Variants in GMDS observed in about 807,000 individuals in gnomAD.
GMDS encodes the protein GDP-mannose 4,6-dehydratase.
In GMDS, 20 loss-of-function variants were observed where a neutral mutation model predicts 49.9. The ratio of observed to expected loss-of-function variants is 0.40; its 90% CI spans 0.28 to 0.58. The LOEUF (loss-of-function observed/expected upper bound fraction) is 0.58, where lower values mean the gene tolerates loss of function less well. GMDS is among the 20% of genes least tolerant of loss of function. The probability of loss-of-function intolerance (pLI) is 0.42; values close to 1 mark genes in which losing one functional copy is unlikely to be tolerated. For synonymous variants in GMDS, 177 were observed against 178.6 expected, an observed-to-expected ratio of 0.99 and a Z score of 0.07; for missense variants, 362 against 481.4, an observed-to-expected ratio of 0.75 and a Z score of 2.32.
At chr6:1,735,866 C>G (rs1766986224) in intron 8 of GMDS, among the ~76,000 whole-genome samples, 1 of 152,144 alleles carries the variant, frequency 6.6e-6, no homozygotes, top group Non-Finnish European at 1.5e-5. Context: ...AATTGACACC[C>G]AATTAGAGTC....
chr6:2,097,984 G>A (rs1174195714), intron 4 of GMDS, among the ~76,000 whole-genome samples: 1 of 149,188 alleles, frequency 6.7e-6, no homozygotes, highest in Non-Finnish European at 1.5e-5. Context: ...CTATAAAGCT[G>A]TTTCAATGCT....
intron 9 of GMDS, among the ~76,000 whole-genome samples, chr6:1,710,129 CA>C: frequency 6.6e-6 from 1 of 152,330 alleles, no homozygotes; most frequent in Non-Finnish European, 1.5e-5. Context: ...GTACGCTTCC[CA>C]AGAATCACTG....
chr6:1,646,302 C>A (rs900436888), intron 9 of GMDS, among the ~76,000 whole-genome samples: 2 of 152,164 alleles, frequency 1.3e-5, no homozygotes, highest in African/African-American at 4.8e-5. Flanking sequence ...ACAGACCAGC[C>A]CTCCCCTGCT....
At chr6:1,707,212 C>A (rs1054518242) in intron 9 of GMDS, among the ~76,000 whole-genome samples, 1 of 152,162 alleles carries the variant, frequency 6.6e-6, no homozygotes, top group African/African-American at 2.4e-5. Flanking sequence ...ATTGTGCTCA[C>A]CAGAACCACG....
intron 7 of GMDS, among the ~76,000 whole-genome samples, chr6:1,818,516 G>A (rs1770760230): frequency 6.6e-6 from 1 of 151,054 alleles, no homozygotes; most frequent in Non-Finnish European, 1.5e-5. Flanking sequence ...GCTGAGGCAG[G>A]AGAATCACTT....
Position 1,901,328 on chromosome 6 carries a change from C to T in GMDS, c.771+28775G>A, listed in dbSNP as rs529227659. Among the ~76,000 whole-genome samples the T allele has an allele frequency of 6.6e-5, 10 of 152,230 alleles. No individual in the cohort carries two copies. The South Asian group carries it at 1.7e-3, about 25-fold the overall frequency. Reference sequence around the variant, plus strand: ...GTCAGCCTTTTCTGAATTTTAACAACGTGTTACTACTTGGGCTTGGTAACG... The same window carrying T: ...GTCAGCCTTTTCTGAATTTTAACAATGTGTTACTACTTGGGCTTGGTAACG... On this transcript the variant is annotated intron_variant, in intron 7 of 10. Coordinates refer to ENST00000380815, the MANE Select transcript of GMDS (RefSeq NM_001500.4).
intron 4 of GMDS, among the ~76,000 whole-genome samples, chr6:1,965,032 T>C (rs889171861): frequency 6.8e-6 from 1 of 146,040 alleles, no homozygotes; most frequent in Non-Finnish European, 1.5e-5. Flanking sequence ...TAGTATTCCA[T>C]GGTGTATATG....
At chr6:1,732,173 A>G (rs944357156) in intron 8 of GMDS, among the ~76,000 whole-genome samples, 4 of 152,190 alleles carry the variant, frequency 2.6e-5, no homozygotes, top group Non-Finnish European at 5.9e-5. Context: ...TAAAAATACA[A>G]AAAATGAGCC....
chr6:1,667,232 T>C (rs1426275324), intron 9 of GMDS, among the ~76,000 whole-genome samples: 1 of 152,200 alleles, frequency 6.6e-6, no homozygotes, highest in Non-Finnish European at 1.5e-5. Context: ...TCTAGAACCA[T>C]AACTCAAAAA....
At chr6:2,229,408 CAAAAAAA>C (rs1210456971) in intron 1 of GMDS, among the ~76,000 whole-genome samples, 27 of 89,242 alleles carry the variant, frequency 3.0e-4, no homozygotes, top group African/African-American at 8.0e-4. Flanking sequence ...CCTGTTTCTA[CAAAAAAA>C]AAAAAAAAAA....
Position 1,827,071 on chromosome 6 carries a change from AAT to A in GMDS, c.772-84487_772-84486del, listed in dbSNP as rs201015593. On this transcript the variant is annotated intron_variant, in intron 7 of 10. Transcript: ENST00000380815. ...GAAGAGCTACGCTGTCTCTTAAAAAAATATATATGTGTGTGTGTGTGTGTGTG... is the reference window on the plus strand; with the variant it reads ...GAAGAGCTACGCTGTCTCTTAAAAAAATATATGTGTGTGTGTGTGTGTGTG... 3.2e-3 allele frequency among the ~76,000 whole-genome samples: 308 copies of A among 97,062 alleles called. 3 individuals carry two copies. The highest frequency in any genetic ancestry group is 0.028 in the East Asian group (110 of 3,960). The allele number at this position is 97,062 out of a possible 152,430, so 63.7% of individuals were successfully genotyped here.
chr6:2,069,649 C>CA (rs912120172), intron 4 of GMDS, among the ~76,000 whole-genome samples: 3 of 152,066 alleles, frequency 2.0e-5, no homozygotes, highest in South Asian at 4.1e-4. Flanking sequence ...TTTATGCAGC[C>CA]AAAAAACACA....
intron 4 of GMDS, among the ~76,000 whole-genome samples, chr6:1,966,161 AAC>A (rs1764246302): frequency 6.6e-6 from 1 of 152,110 alleles, no homozygotes; most frequent in Admixed American, 6.5e-5. Context: ...CCCAAAACTA[AAC>A]CATAGTTATA....
intron 8 of GMDS, 91 bp from the exon 9 acceptor site, chr6:1,726,603 C>A: frequency 2.3e-6 from 2 of 879,658 alleles, no homozygotes; most frequent in Non-Finnish European, 3.8e-6. Flanking sequence ...GCCCTCTCCC[C>A]GCAGGAGCGC....
chr6:1,698,667 C>T (rs1038955698), intron 9 of GMDS, among the ~76,000 whole-genome samples: 2 of 152,124 alleles, frequency 1.3e-5, no homozygotes, highest in Admixed American at 6.5e-5. Flanking sequence ...CAGCACAGCC[C>T]ACTCTGAGAA....
chr6:1,960,005 T>C, intron 5 of GMDS, 34 bp from the exon 6 acceptor site: 1 of 1,342,292 alleles, frequency 7.4e-7, no homozygotes, highest in South Asian at 1.2e-5. Context: ...CAATGAAGTT[T>C]GTTGTAAAAG....
intron 7 of GMDS, among the ~76,000 whole-genome samples, chr6:1,752,471 T>C (rs1033783299): frequency 1.3e-5 from 2 of 152,160 alleles, no homozygotes; most frequent in East Asian, 3.9e-4. Context: ...TTCAGGATAT[T>C]ACCCAGGAGA....
intron 4 of GMDS, among the ~76,000 whole-genome samples, chr6:2,082,361 G>C (rs1405721843): frequency 6.6e-6 from 1 of 152,076 alleles, no homozygotes; most frequent in South Asian, 2.1e-4. Context: ...ACAGTCAACA[G>C]AAGGAGACAA....
chr6:2,078,549 T>C (rs1772481696), intron 4 of GMDS, among the ~76,000 whole-genome samples: 1 of 152,146 alleles, frequency 6.6e-6, no homozygotes, highest in African/African-American at 2.4e-5. Context: ...GAACATGTTG[T>C]TTAATTCCAT....
Sources: allele counts gnomAD v4.1 joint callset (sites outside exome capture counted in the v4.1 genomes callset), GRCh38; gene constraint gnomAD v4.1.1; transcripts MANE v1.5; gene names NCBI Gene and HGNC (gene_info 2026-07-23, HGNC 2026-07-21).